The following CCDC144A variants were observed in gnomAD, a reference collection of about 807,000 sequenced individuals.
CCDC144A encodes coiled-coil domain containing 144A, also known as coiled-coil domain-containing protein 144A.
CCDC144A carries 41 observed loss-of-function variants against 143.8 expected under a neutral mutation model. That is an observed-to-expected ratio of 0.29 (90% CI 0.22 to 0.37). CCDC144A has a LOEUF of 0.37. CCDC144A is among the 10% of genes least tolerant of loss of function. CCDC144A has a pLI of 1.00. For missense variants in CCDC144A, 637 were observed against 1,488.8 expected (o/e 0.43, Z 9.41); for synonymous variants, 242 against 517.9 (o/e 0.47, Z 7.23).
At chr17:16,679,285 AG>A in the CCDC144A span, among the ~76,000 whole-genome samples, 1 of 152,088 alleles carries the variant, frequency 6.6e-6, no homozygotes, top group African/African-American at 2.4e-5. Context: ...ATGGATAGGT[AG>A]GGGGTGTATT....
chr17:16,744,240 CT>C (rs1914388203), intron 12 of CCDC144A, among the ~76,000 whole-genome samples: 1 of 152,144 alleles, frequency 6.6e-6, no homozygotes, highest in Non-Finnish European at 1.5e-5. Context: ...GGCAGTTCTA[CT>C]TTTAGTTCCG....
chr17:16,696,836 C>G lies in CCDC144A; in HGVS notation c.415+3787C>G, dbSNP rs3894333. The stretch of plus-strand genomic sequence containing the variant: ...GTTTTGTTCATGTCTGTTTTCATGG[C>G]TGACTAATTAGCAACAGCTCCAAAC... On this transcript the variant is annotated intron_variant, in intron 2 of 16. Coordinates refer to ENST00000399273, the MANE Select transcript of CCDC144A (RefSeq NM_001382000.1). Among the ~76,000 whole-genome samples, 1,389 of 151,738 alleles carry G rather than the reference C, an allele frequency of 9.2e-3. 19 individuals are homozygous for G. The highest frequency in any genetic ancestry group is 0.032 in the African/African-American group (1,323 of 41,288).
At chr17:16,696,050 C>T (rs573275582) in intron 2 of CCDC144A, among the ~76,000 whole-genome samples, 34 of 152,192 alleles carry the variant, frequency 2.2e-4, no homozygotes, top group Middle Eastern at 3.4e-3. Context: ...AGTCTCACTC[C>T]GTCACCCAGG....
At chr17:16,764,372 T>C (rs1309153685) in intron 15 of CCDC144A, 197 bp downstream of exon 15, 1 of 1,272,810 alleles carries the variant, frequency 7.9e-7, no homozygotes, top group African/African-American at 1.6e-5. Flanking sequence ...TACTCCTTTG[T>C]TAACTTTATT....
At chr17:16,745,100 T>G (rs1914434417) in intron 12 of CCDC144A, among the ~76,000 whole-genome samples, 1 of 151,710 alleles carries the variant, frequency 6.6e-6, no homozygotes, top group Admixed American at 6.6e-5. Flanking sequence ...TAGTGTGAAC[T>G]CTGATAAATA....
At chr17:16,713,016 A>C (rs1164171554) in intron 6 of CCDC144A, among the ~76,000 whole-genome samples, 2 of 151,516 alleles carry the variant, frequency 1.3e-5, no homozygotes, top group East Asian at 3.9e-4. Context: ...AGATCCTCAA[A>C]TTAATCTGAA....
chr17:16,709,017 A>G lies in CCDC144A; in HGVS notation c.960A>G (p.Leu320=), dbSNP rs369859661. 25 of 1,611,598 alleles carry G rather than the reference A, an allele frequency of 1.6e-5. No individual in the cohort carries two copies. Among genetic ancestry groups the G allele is most frequent in the African/African-American group, 4.0e-5 (3 of 74,862 alleles). Residue 320 remains leucine, a synonymous_variant, in exon 5 of 17, where the codon CTA becomes CTG. Coordinates refer to ENST00000399273, the MANE Select transcript of CCDC144A (RefSeq NM_001382000.1). ...KIPACPEEEP[L]LDNSTRGTDV... ...CGGCTTGTCCTGAGGAAGAGCCACT[A>G]CTTGATAACTCTACAAGAGGAACAG... is the stretch of plus-strand genomic sequence containing the variant.
At chr17:16,681,550 C>T in the CCDC144A span, among the ~76,000 whole-genome samples, 1 of 151,968 alleles carries the variant, frequency 6.6e-6, no homozygotes, top group Admixed American at 6.6e-5. Flanking sequence ...GAAGTAATAG[C>T]GCAGGTACTT....
In CCDC144A at chr17:16,707,545, G is replaced by T. The variant is rs181571259; in HGVS notation, c.738+3G>T. 6.7e-4 allele frequency: 1,051 copies of T among 1,563,642 alleles called. 14 individuals carry two copies. In the African/African-American group the frequency reaches 0.013, roughly 19 times the overall value. ...GATGCGAAAATAAGCAGCCACAGGT[G>T]TGGAAACATTTAAACTAAAATCTAA... On this transcript the variant is annotated splice_donor_region_variant and intron_variant, in intron 4 of 16. Transcript: ENST00000399273.
chr17:16,689,219 G>T (rs868794368), upstream of CCDC144A, among the ~76,000 whole-genome samples: 2 of 150,660 alleles, frequency 1.3e-5, no homozygotes, highest in Non-Finnish European at 3.0e-5. Context: ...TTTTTGAGAC[G>T]GAGTCTTGCT....
At chr17:16,698,453 T>G (rs988203159) in intron 2 of CCDC144A, among the ~76,000 whole-genome samples, 3 of 152,224 alleles carry the variant, frequency 2.0e-5, no homozygotes, top group African/African-American at 7.2e-5. Flanking sequence ...TGTTCAAATG[T>G]GGAAGAATAC....
At chr17:16,731,294 T>C (rs1403416575) in intron 9 of CCDC144A, 1 of 162,582 alleles carries the variant, frequency 6.2e-6, no homozygotes. Context: ...AATCTGCAGA[T>C]ACATGGTGTG....
intron 2 of CCDC144A, among the ~76,000 whole-genome samples, chr17:16,694,158 G>A (rs993291944): frequency 6.7e-6 from 1 of 150,304 alleles, no homozygotes; most frequent in Non-Finnish European, 1.5e-5. Context: ...GTAGACCCCT[G>A]CAGTTCAAAT....
At chr17:16,753,434 T>TGTTGTTGTTG (rs1307923345) in intron 12 of CCDC144A, among the ~76,000 whole-genome samples, 70 of 118,568 alleles carry the variant, frequency 5.9e-4, no homozygotes, top group Middle Eastern at 9.2e-3. Flanking sequence ...TGTAGTTTTT[T>TGTTGTTGTTG]TTTTTTTTTT....
the CCDC144A span, chr17:16,683,830 G>T: frequency 4.3e-6 from 6 of 1,401,598 alleles, no homozygotes; most frequent in African/African-American, 8.5e-5. Context: ...TGAAGCCGGC[G>T]CCTCCAGTTA....
intron 8 of CCDC144A, among the ~76,000 whole-genome samples, chr17:16,726,380 CAAA>C (rs1172386875): frequency 5.7e-5 from 4 of 69,826 alleles, no homozygotes; most frequent in African/African-American, 1.1e-4. Context: ...GACTCCGTCT[CAAA>C]AAAAAAAAAA....
intron 12 of CCDC144A, among the ~76,000 whole-genome samples, chr17:16,747,310 C>A (rs910657474): frequency 6.6e-6 from 1 of 152,038 alleles, no homozygotes; most frequent in East Asian, 1.9e-4. Context: ...TTTAGTGTAG[C>A]GTTTGTTTAC....
the CCDC144A span, chr17:16,684,237 T>C: frequency 2.3e-6 from 2 of 879,114 alleles, no homozygotes; most frequent in Non-Finnish European, 3.9e-6. Context: ...TGGGCGAGTA[T>C]CTTAAATGTT....
intron 12 of CCDC144A, among the ~76,000 whole-genome samples, chr17:16,756,946 G>T (rs1038069730): frequency 6.6e-6 from 1 of 152,264 alleles, no homozygotes; most frequent in Non-Finnish European, 1.5e-5. Context: ...AGTAGCAGGG[G>T]ATGCTGTGGT....
Sources: allele counts gnomAD v4.1 joint callset (sites outside exome capture counted in the v4.1 genomes callset), GRCh38; gene constraint gnomAD v4.1.1; transcripts MANE v1.5; gene names NCBI Gene and HGNC (gene_info 2026-07-23, HGNC 2026-07-21).